Variants in LIMCH1 observed in about 807,000 individuals in gnomAD.
LIMCH1 encodes LIM and calponin homology domains-containing protein 1.
LIMCH1 carries 113 observed loss-of-function variants against 176.5 expected under a neutral mutation model. The ratio of observed to expected loss-of-function variants is 0.64; its 90% CI spans 0.55 to 0.75. LIMCH1 has a LOEUF of 0.75. Among genes scored for constraint, LIMCH1 ranks in the 30% least tolerant of loss-of-function variants. The probability of loss-of-function intolerance (pLI) is 0.00; values close to 1 mark genes in which losing one functional copy is unlikely to be tolerated. For synonymous variants in LIMCH1, 619 were observed against 645.9 expected, an observed-to-expected ratio of 0.96 and a Z score of 0.63; for missense variants, 1,674 against 1,814.9, an observed-to-expected ratio of 0.92 and a Z score of 1.41.
At chr4:41,494,515 T>G in intron 1 of LIMCH1, 1 of 1,603,330 alleles carries the variant, frequency 6.2e-7, no homozygotes, top group Non-Finnish European at 8.5e-7. Context: ...TTATGTGCTC[T>G]TTTTCTTTTC....
Position 41,524,695 on chromosome 4 carries a change from A to G in LIMCH1, c.237+217A>G, listed in dbSNP as rs565435337. 2.0e-5 allele frequency among the ~76,000 whole-genome samples: 3 copies of G among 152,346 alleles called. No homozygotes were observed. The East Asian group carries it at 5.8e-4, about 29-fold the overall frequency. The stretch of plus-strand genomic sequence containing the variant: ...TGTTTGTGTTTTTTCCATGAGTGAT[A>G]AGGACCTTCATTCTCAAAGAGCTAA... On this transcript the variant is annotated intron_variant, in intron 3 of 26. Transcript: ENST00000313860.
intron 13 of LIMCH1, among the ~76,000 whole-genome samples, chr4:41,634,979 G>A (rs193029385): frequency 3.7e-4 from 57 of 152,168 alleles, no homozygotes; most frequent in Middle Eastern, 3.4e-3. Flanking sequence ...GAAAGAAGGA[G>A]GTGAGGCCTA....
At chr4:41,416,838 AC>A (rs1423562260) in intron 1 of LIMCH1, among the ~76,000 whole-genome samples, 1 of 152,182 alleles carries the variant, frequency 6.6e-6, no homozygotes, top group Non-Finnish European at 1.5e-5. Context: ...AAGGGAGCTG[AC>A]AGGCCAAAGA....
chr4:41,680,303 G>A (rs1714670145), intron 24 of LIMCH1, among the ~76,000 whole-genome samples: 1 of 152,226 alleles, frequency 6.6e-6, no homozygotes, highest in Admixed American at 6.5e-5. Context: ...CGTGATAAGG[G>A]TGTGTTGAGT....
At chr4:41,478,190 G>A (rs1041674355) in intron 1 of LIMCH1, among the ~76,000 whole-genome samples, 3 of 152,144 alleles carry the variant, frequency 2.0e-5, no homozygotes, top group African/African-American at 7.2e-5. Context: ...CAAATACATA[G>A]CTTAGCTAAT....
intron 1 of LIMCH1, among the ~76,000 whole-genome samples, chr4:41,405,313 G>C (rs544764549): frequency 6.6e-6 from 1 of 152,204 alleles, no homozygotes; most frequent in South Asian, 2.1e-4. Flanking sequence ...TTCCCTTGCT[G>C]TTTTACTTGT....
At chr4:41,593,911 C>T (rs2088163204) in intron 1 of LIMCH1, among the ~76,000 whole-genome samples, 1 of 152,220 alleles carries the variant, frequency 6.6e-6, no homozygotes, top group Admixed American at 6.5e-5. Context: ...TCTTCACAGA[C>T]AGGCAGACAT....
intron 2 of LIMCH1, among the ~76,000 whole-genome samples, chr4:41,507,899 G>C (rs1415005579): frequency 6.6e-6 from 1 of 152,166 alleles, no homozygotes; most frequent in African/African-American, 2.4e-5. Flanking sequence ...TCTAAATCCT[G>C]ACTGTGTGGG....
intron 1 of LIMCH1, among the ~76,000 whole-genome samples, chr4:41,574,948 T>C (rs2084218523): frequency 6.6e-6 from 1 of 152,186 alleles, no homozygotes; most frequent in Non-Finnish European, 1.5e-5. Flanking sequence ...GTTGTGAGAA[T>C]GAAAAGAATA....
At chr4:41,636,268 G>A (rs183752272) in intron 13 of LIMCH1, among the ~76,000 whole-genome samples, 13 of 147,170 alleles carry the variant, frequency 8.8e-5, no homozygotes, top group African/African-American at 3.3e-4. Context: ...TGTCAACTGT[G>A]ACCTGCGTGG....
chr4:41,590,238 C>T (rs546675579), intron 1 of LIMCH1, among the ~76,000 whole-genome samples: 38 of 152,162 alleles, frequency 2.5e-4, no homozygotes, highest in Admixed American at 6.5e-4. Context: ...GTCTAAGGTG[C>T]GCACCACCAG....
intron 13 of LIMCH1, among the ~76,000 whole-genome samples, chr4:41,634,788 TAAG>T (rs1043417732): frequency 2.0e-4 from 31 of 152,156 alleles, no homozygotes; most frequent in Admixed American, 2.0e-3. Flanking sequence ...ATTTCACAAA[TAAG>T]AAGGCTGATG....
At chr4:41,641,480 GA>G (rs1388605369) in intron 14 of LIMCH1, among the ~76,000 whole-genome samples, 2 of 150,666 alleles carry the variant, frequency 1.3e-5, no homozygotes, top group East Asian at 1.9e-4. Context: ...AAAATCTTGA[GA>G]AAAAAAATCA....
rs187382750 is a variant in LIMCH1, at chr4:41,600,673, C to T, written c.-134+1647C>T. On this transcript the variant is annotated intron_variant, in intron 2 of 31. Coordinates refer to ENST00000503057, the MANE Select transcript of LIMCH1 (RefSeq NM_001330672.2). ...CACTAGATCTGAAGCCCTGGTTAAG[C>T]TCCCTTCTTCAGCAGGCCCCATGTA... Among the ~76,000 whole-genome samples, 203 of 152,228 alleles carry T rather than the reference C, an allele frequency of 1.3e-3. 1 individual carries two copies. Among genetic ancestry groups the T allele is most frequent in the African/African-American group, 4.7e-3 (197 of 41,546 alleles).
intron 1 of LIMCH1, among the ~76,000 whole-genome samples, chr4:41,575,157 G>C (rs753533523): frequency 1.6e-4 from 24 of 152,182 alleles, no homozygotes; most frequent in Non-Finnish European, 2.9e-4. Context: ...ATTCTGACTA[G>C]TAGCTGTTGT....
chr4:41,379,477 G>C (rs2055301385), intron 1 of LIMCH1, among the ~76,000 whole-genome samples: 1 of 152,188 alleles, frequency 6.6e-6, no homozygotes, highest in South Asian at 2.1e-4. Context: ...CACTGTATCA[G>C]CCACCATAAC....
chr4:41,620,463 G>C lies in LIMCH1; in HGVS notation c.498G>C (p.Gly166=), dbSNP rs1561950302. ...ETIEEEGSEV[G]SAGEDNPAGQ... ...TAGAGGAAGAGGGGAGTGAAGTGGG[G>C]TCTGCTGGTGAAGACAACCCAGCTG... The change falls in exon 7 of 32, where the codon GGG becomes GGC. Residue 166 remains glycine (G), a synonymous_variant. Transcript: ENST00000503057. 6.5e-7 allele frequency: 1 copy of C among 1,536,166 alleles called. No individual in the cohort carries two copies. Among genetic ancestry groups the C allele is most frequent in the Non-Finnish European group, 8.7e-7 (1 of 1,146,922 alleles).
chr4:41,494,572 C>A (rs149800400), exon 2 of LIMCH1: 43 of 1,612,606 alleles, frequency 2.7e-5, no homozygotes, highest in Non-Finnish European at 3.5e-5. Flanking sequence ...TAAAGATTTT[C>A]GGACAGGTTT....
chr4:41,646,871 A>G lies in LIMCH1; in HGVS notation c.2798A>G (p.Gln933Arg), dbSNP rs1440234663. Residue 933 changes from glutamine to arginine, a missense_variant, in exon 17 of 32, where the codon CAA (glutamine) becomes CGA (arginine). Gln to Arg is a conservative substitution (Grantham distance 43). Transcript: ENST00000503057. ...CCTTACTCCCAGCCCAAAAATTCTC[A>G]AGATGTTCTGAAGACCTTTAAGGTA... is the stretch of plus-strand genomic sequence containing the variant. ...PKPYSQPKNS[Q>R]DVLKTFKVDG... 1 of 1,613,744 alleles carries G rather than the reference A, an allele frequency of 6.2e-7. No individual in the cohort carries two copies. The highest frequency in any genetic ancestry group is 1.1e-5 in the South Asian group (1 of 91,072).
Sources: gnomAD v4.1 joint callset for allele counts (sites outside exome capture counted in the v4.1 genomes callset) on GRCh38, gnomAD v4.1.1 for gene constraint, MANE v1.5 for transcripts, NCBI Gene and HGNC (gene_info 2026-07-23, HGNC 2026-07-21) for gene names.